The following DLC1 variants were observed in gnomAD, a reference collection of about 807,000 sequenced individuals.
The protein encoded by DLC1 is DLC1 Rho GTPase activating protein.
In DLC1, 54 loss-of-function variants were observed where a neutral mutation model predicts 140.3. The observed-to-expected ratio is 0.38, with a 90% CI of 0.31 to 0.48. The LOEUF (loss-of-function observed/expected upper bound fraction) is 0.48. DLC1 is among the 20% of genes least tolerant of loss of function. The pLI, the probability that DLC1 is intolerant of heterozygous loss-of-function variation, is 0.96. For missense variants in DLC1, 2,536 were observed against 1,907.0 expected, an observed-to-expected ratio of 1.33 and a Z score of -6.14; for synonymous variants, 986 against 728.1, an observed-to-expected ratio of 1.35 and a Z score of -5.70.
intron 8 of DLC1, among the ~76,000 whole-genome samples, chr8:13,101,934 A>G (rs1166501851): frequency 1.3e-5 from 2 of 152,134 alleles, no homozygotes; most frequent in Non-Finnish European, 2.9e-5. Context: ...TGGTGTGGAA[A>G]ATATCCTGTG....
intron 15 of DLC1, among the ~76,000 whole-genome samples, chr8:13,089,415 A>T (rs984602757): frequency 6.6e-6 from 1 of 152,036 alleles, no homozygotes; most frequent in Non-Finnish European, 1.5e-5. Flanking sequence ...TCACAAGGTC[A>T]GGAGTTCGAG....
intron 1 of DLC1, among the ~76,000 whole-genome samples, chr8:13,556,523 C>T (rs1459295888): frequency 6.6e-6 from 1 of 152,178 alleles, no homozygotes; most frequent in Admixed American, 6.5e-5. Flanking sequence ...ACTGCCTCTT[C>T]TGAAGACTCC....
chr8:13,595,284 A>G (rs1755468030), intron 1 of DLC1, among the ~76,000 whole-genome samples: 1 of 152,128 alleles, frequency 6.6e-6, no homozygotes, highest in African/African-American at 2.4e-5. Context: ...ATGTCAGGTG[A>G]CAATTCTTCC....
chr8:13,468,274 TCTTTA>T (rs906386120), intron 2 of DLC1, among the ~76,000 whole-genome samples: 2 of 151,350 alleles, frequency 1.3e-5, no homozygotes, highest in Non-Finnish European at 2.9e-5. Context: ...ACCTTCTTAA[TCTTTA>T]CTTCATCGGT....
At chr8:13,537,755 G>A (rs531967887) in intron 1 of DLC1, among the ~76,000 whole-genome samples, 6 of 143,726 alleles carry the variant, frequency 4.2e-5, no homozygotes, top group South Asian at 4.6e-4. Context: ...CCGGGTTCAC[G>A]CCATTCTCCT....
chr8:13,432,776 GTC>G (rs2117400762), intron 2 of DLC1, among the ~76,000 whole-genome samples: 2 of 152,160 alleles, frequency 1.3e-5, no homozygotes, highest in African/African-American at 4.8e-5. Context: ...ATAAGACAGA[GTC>G]ACATGAAGTC....
chr8:13,569,711 T>A (rs763635044), intron 1 of DLC1, among the ~76,000 whole-genome samples: 6 of 152,166 alleles, frequency 3.9e-5, no homozygotes, highest in Non-Finnish European at 8.8e-5. Flanking sequence ...AGAATTACTA[T>A]TTTTTAAATT....
At chr8:13,517,289 C>T (rs117643740), upstream of DLC1, among the ~76,000 whole-genome samples, 234 of 152,182 alleles carry the variant, frequency 1.5e-3, 1 homozygote, top group Admixed American at 0.015. Flanking sequence ...CTGTACCCCG[C>T]GCCATATACT....
chr8:13,230,392 T>C (rs571170041), intron 5 of DLC1, among the ~76,000 whole-genome samples: 29 of 152,192 alleles, frequency 1.9e-4, no homozygotes, highest in African/African-American at 6.7e-4. Flanking sequence ...AAAGTCAGAG[T>C]ATGTTTGTTT....
chr8:13,242,707 A>G (rs971611245), intron 5 of DLC1, among the ~76,000 whole-genome samples: 5 of 152,180 alleles, frequency 3.3e-5, no homozygotes, highest in African/African-American at 1.2e-4. Context: ...CAATAGGTTT[A>G]CACAGGTGTT....
chr8:13,425,860 G>C (rs1187469942), intron 2 of DLC1, among the ~76,000 whole-genome samples: 1 of 152,136 alleles, frequency 6.6e-6, no homozygotes, highest in African/African-American at 2.4e-5. Flanking sequence ...CTGTAGCCTT[G>C]ACCTCCTGGG....
intron 1 of DLC1, among the ~76,000 whole-genome samples, chr8:13,598,012 C>G (rs1036536448): frequency 1.3e-5 from 2 of 152,164 alleles, no homozygotes; most frequent in South Asian, 4.1e-4. Flanking sequence ...AGTCTGATTA[C>G]TAATTTTGCT....
At chr8:13,091,180 A>G (rs1818038951) in intron 14 of DLC1, 138 bp downstream of exon 14, 1 of 672,540 alleles carries the variant, frequency 1.5e-6, no homozygotes, top group African/African-American at 1.8e-5. Context: ...ATATGTAAAT[A>G]AGACATTCTC....
intron 1 of DLC1, among the ~76,000 whole-genome samples, chr8:13,580,121 A>ATTTTTTTTTT (rs71207167): frequency 3.5e-4 from 53 of 150,560 alleles, no homozygotes; most frequent in East Asian, 1.2e-3. Context: ...AGTTGGTTAC[A>ATTTTTTTTTT]TTTATTTTTT....
chr8:13,124,413 G>T (rs761855763), intron 5 of DLC1, among the ~76,000 whole-genome samples: 2 of 152,194 alleles, frequency 1.3e-5, no homozygotes, highest in Non-Finnish European at 2.9e-5. Context: ...ATGCAGTCTG[G>T]ATTTACTACA....
intron 5 of DLC1, among the ~76,000 whole-genome samples, chr8:13,282,882 T>C (rs996721526): frequency 1.3e-5 from 2 of 152,236 alleles, no homozygotes; most frequent in African/African-American, 2.4e-5. Flanking sequence ...TTAGAAGACT[T>C]CCTTCTGAGG....
chr8:13,157,443 T>C (rs750759710), intron 5 of DLC1, among the ~76,000 whole-genome samples: 10 of 151,364 alleles, frequency 6.6e-5, no homozygotes, highest in Non-Finnish European at 1.2e-4. Flanking sequence ...GAGGGGACAA[T>C]TGGAATAAGC....
At chr8:13,162,728 C>A (rs1383945800) in intron 5 of DLC1, among the ~76,000 whole-genome samples, 1 of 152,086 alleles carries the variant, frequency 6.6e-6, no homozygotes, top group Non-Finnish European at 1.5e-5. Flanking sequence ...TCACTTGAGG[C>A]CGGGAGTTGG....
Position 13,587,117 on chromosome 8 carries a change from C to T in DLC1, c.-126+17420G>A, listed in dbSNP as rs985545729. On this transcript the variant is annotated intron_variant, in intron 1 of 1. Coordinates refer to the DLC1 transcript ENST00000631382. Reference sequence around the variant, plus strand: ...ACACACACACACACATTCATGCATGCGCCTATCCACAGATGGTGGCACATA... The same window carrying T: ...ACACACACACACACATTCATGCATGTGCCTATCCACAGATGGTGGCACATA... Among the ~76,000 whole-genome samples, 25 of 139,090 alleles carry T rather than the reference C, an allele frequency of 1.8e-4. 1 individual carries two copies. Among genetic ancestry groups the T allele is most frequent in the African/African-American group, 5.7e-4 (21 of 36,702 alleles). The allele number at this position is 139,090 out of a possible 152,430, so 91.2% of individuals were successfully genotyped here. A position where few individuals can be genotyped will look rare whatever the true frequency, so the allele number is the denominator to read the frequency against.
Sources: gnomAD v4.1 joint callset for allele counts (sites outside exome capture counted in the v4.1 genomes callset) on GRCh38, gnomAD v4.1.1 for gene constraint, MANE v1.5 for transcripts, NCBI Gene and HGNC (gene_info 2026-07-23, HGNC 2026-07-21) for gene names.